CTNNA2: variants seen among roughly 807,000 people sequenced by gnomAD.
The protein encoded by CTNNA2 is catenin alpha-2.
A neutral mutation model predicts 101.0 loss-of-function variants in CTNNA2; 42 were observed. The ratio of observed to expected loss-of-function variants is 0.42; its 90% CI spans 0.32 to 0.54. CTNNA2 has a LOEUF of 0.54. Among genes scored for constraint, CTNNA2 ranks in the 20% least tolerant of loss-of-function variants. The pLI is 0.14. For synonymous variants in CTNNA2, 450 were observed against 456.4 expected, an observed-to-expected ratio of 0.99 and a Z score of 0.18; for missense variants, 871 against 1,223.1, an observed-to-expected ratio of 0.71 and a Z score of 4.29.
intron 7 of CTNNA2, among the ~76,000 whole-genome samples, chr2:80,291,390 T>C (rs1675224048): frequency 6.6e-6 from 1 of 152,168 alleles, no homozygotes; most frequent in Non-Finnish European, 1.5e-5. Flanking sequence ...ACCAACTTGC[T>C]CAAGGGCCAG....
intron 14 of CTNNA2, among the ~76,000 whole-genome samples, chr2:80,583,555 A>G (rs747885349): frequency 3.3e-5 from 5 of 152,208 alleles, no homozygotes; most frequent in Non-Finnish European, 7.3e-5. Flanking sequence ...GAAGCAATTC[A>G]AAGTCAATTT....
At chr2:80,609,994 C>T (rs1313742083) in intron 17 of CTNNA2, among the ~76,000 whole-genome samples, 2 of 151,754 alleles carry the variant, frequency 1.3e-5, no homozygotes, top group African/African-American at 4.8e-5. Flanking sequence ...AGATTGGGAA[C>T]ACCATCAAGA....
intron 18 of CTNNA2, among the ~76,000 whole-genome samples, chr2:80,619,833 C>T (rs922638639): frequency 1.2e-4 from 18 of 152,036 alleles, no homozygotes; most frequent in African/African-American, 4.1e-4. Flanking sequence ...AGATTTACTA[C>T]CCATTTTTGT....
At chr2:79,969,362 G>T (rs943862062) in intron 7 of CTNNA2, among the ~76,000 whole-genome samples, 2 of 152,154 alleles carry the variant, frequency 1.3e-5, no homozygotes, top group African/African-American at 2.4e-5. Context: ...GAAATTCAAG[G>T]ACAGCAAATT....
chr2:79,753,409 A>G (rs1558899331), intron 3 of CTNNA2, among the ~76,000 whole-genome samples: 1 of 152,228 alleles, frequency 6.6e-6, no homozygotes, highest in African/African-American at 2.4e-5. Flanking sequence ...TTAATGGTGT[A>G]ACACAGCATT....
At chr2:80,249,006 T>G (rs915112671) in intron 7 of CTNNA2, among the ~76,000 whole-genome samples, 1 of 152,140 alleles carries the variant, frequency 6.6e-6, no homozygotes, top group East Asian at 1.9e-4. Flanking sequence ...CAGAGCCTGA[T>G]TTACTTTTCT....
At chr2:80,328,804 A>G (rs541459747) in intron 7 of CTNNA2, among the ~76,000 whole-genome samples, 2 of 152,288 alleles carry the variant, frequency 1.3e-5, no homozygotes, top group South Asian at 4.1e-4. Flanking sequence ...ACAAACCTAG[A>G]TGGTATGTAT....
chr2:79,948,845 G>A lies in CTNNA2; in HGVS notation c.1056+39048G>A, dbSNP rs1574385669. Reference sequence around the variant, plus strand: ...TAGCCGGGCGTGGTGACGGGTGCCTGTAGTCCCAGCTACTCAGGAGGCTAA... The same window carrying A: ...TAGCCGGGCGTGGTGACGGGTGCCTATAGTCCCAGCTACTCAGGAGGCTAA... On this transcript the variant is annotated intron_variant, in intron 7 of 18. Transcript: ENST00000402739. Among the ~76,000 whole-genome samples the A allele has an allele frequency of 2.6e-5, 4 of 152,264 alleles. No homozygotes were observed. The South Asian group carries it at 8.3e-4, about 32-fold the overall frequency.
At chr2:79,741,335 C>T (rs959808560) in intron 2 of CTNNA2, among the ~76,000 whole-genome samples, 1 of 151,562 alleles carries the variant, frequency 6.6e-6, no homozygotes, top group East Asian at 1.9e-4. Flanking sequence ...AAAAGAGAAC[C>T]GAACTGAATG....
intron 7 of CTNNA2, among the ~76,000 whole-genome samples, chr2:79,944,325 G>A (rs913518995): frequency 7.9e-5 from 12 of 152,096 alleles, no homozygotes; most frequent in Non-Finnish European, 1.5e-4. Context: ...TTTCCTTTAA[G>A]TTGTAAAAAC....
chr2:79,221,364 A>T (rs979992805), intron 2 of CTNNA2, among the ~76,000 whole-genome samples: 1 of 152,056 alleles, frequency 6.6e-6, no homozygotes, highest in African/African-American at 2.4e-5. Flanking sequence ...TGTTTCCCAG[A>T]CTTGTCTCAA....
chr2:79,853,217 A>C (rs1680866069), intron 3 of CTNNA2, among the ~76,000 whole-genome samples: 2 of 151,956 alleles, frequency 1.3e-5, no homozygotes, highest in African/African-American at 4.8e-5. Flanking sequence ...GGAGTGGTGC[A>C]ATGATAGTTC....
intron 6 of CTNNA2, among the ~76,000 whole-genome samples, chr2:79,877,941 G>T (rs1683149116): frequency 6.6e-6 from 1 of 151,840 alleles, no homozygotes; most frequent in African/African-American, 2.4e-5. Flanking sequence ...TGCACCTATT[G>T]ACCCATCCAC....
intron 7 of CTNNA2, among the ~76,000 whole-genome samples, chr2:80,307,861 G>A (rs1677175973): frequency 6.6e-6 from 1 of 152,140 alleles, no homozygotes; most frequent in African/African-American, 2.4e-5. Flanking sequence ...CTCCAGTTTG[G>A]GGTAAGAAAT....
chr2:80,613,415 A>G (rs1181564117), intron 17 of CTNNA2, among the ~76,000 whole-genome samples: 1 of 151,400 alleles, frequency 6.6e-6, no homozygotes, highest in Non-Finnish European at 1.5e-5. Flanking sequence ...ATGGGAAGTT[A>G]ATAGGAATTT....
intron 18 of CTNNA2, among the ~76,000 whole-genome samples, chr2:80,643,916 A>AGAATCACAGATT (rs1352375957): frequency 2.0e-5 from 3 of 152,214 alleles, no homozygotes; most frequent in Non-Finnish European, 2.9e-5. Flanking sequence ...GATGAGACTA[A>AGAATCACAGATT]GAATCACAGA....
chr2:79,200,822 A>C (rs1323274102), intron 2 of CTNNA2, among the ~76,000 whole-genome samples: 1 of 152,212 alleles, frequency 6.6e-6, no homozygotes, highest in Non-Finnish European at 1.5e-5. Flanking sequence ...CCTTGAAAAA[A>C]AAAACTTTTT....
chr2:79,953,869 A>G (rs547560953), intron 7 of CTNNA2, among the ~76,000 whole-genome samples: 1 of 152,340 alleles, frequency 6.6e-6, no homozygotes, highest in South Asian at 2.1e-4. Flanking sequence ...TAGGTCAGGT[A>G]GTTAGAATGA....
At chr2:79,997,333 GAAGGAAGGAAAAGAA>G (rs200030660) in intron 7 of CTNNA2, among the ~76,000 whole-genome samples, 1,576 of 150,966 alleles carry the variant, frequency 0.01, 17 homozygotes, top group Middle Eastern at 0.017. Flanking sequence ...GGGAGGGAGG[GAAGGAAGGAAAAGAA>G]AAGGAAGGAA....
Sources: gnomAD v4.1 joint callset for allele counts (sites outside exome capture counted in the v4.1 genomes callset) on GRCh38, gnomAD v4.1.1 for gene constraint, MANE v1.5 for transcripts, NCBI Gene and HGNC (gene_info 2026-07-23, HGNC 2026-07-21) for gene names.